Variants in NTRK2 observed in about 807,000 individuals in gnomAD.
NTRK2 encodes the protein neurotrophic receptor tyrosine kinase 2, also known as BDNF/NT-3 growth factors receptor.
A neutral mutation model predicts 94.5 loss-of-function variants in NTRK2; 13 were observed. The ratio of observed to expected loss-of-function variants is 0.14; its 90% CI spans 0.09 to 0.22. NTRK2 has a LOEUF of 0.22. NTRK2 is among the 10% of genes least tolerant of loss of function. The pLI is 1.00. For missense variants in NTRK2, 639 were observed against 1,071.2 expected (o/e 0.60, Z 5.63); for synonymous variants, 372 against 407.4 (o/e 0.91, Z 1.05).
At chr9:84,824,519 A>G (rs573776578) in intron 12 of NTRK2, among the ~76,000 whole-genome samples, 1 of 152,284 alleles carries the variant, frequency 6.6e-6, no homozygotes, top group Admixed American at 6.5e-5. Context: ...TGGCATGGCT[A>G]TTCAGAGGTG....
chr9:84,724,424 G>T, intron 8 of NTRK2, 68 bp downstream of exon 8: 1 of 1,585,230 alleles, frequency 6.3e-7, no homozygotes, highest in Non-Finnish European at 8.7e-7. Flanking sequence ...TTTGTTGCTG[G>T]GGCACTCTGG....
chr9:84,910,257 G>A (rs756695458), intron 14 of NTRK2, among the ~76,000 whole-genome samples: 58 of 152,084 alleles, frequency 3.8e-4, no homozygotes, highest in Non-Finnish European at 7.5e-4. Context: ...CAACAGAAAC[G>A]TATTCTCTCA....
chr9:84,952,556 G>A (rs780933468), intron 16 of NTRK2, among the ~76,000 whole-genome samples: 2 of 152,280 alleles, frequency 1.3e-5, no homozygotes, highest in South Asian at 2.1e-4. Context: ...GGATTGCAGC[G>A]TTAACCGTTA....
chr9:84,811,906 C>A, intron 12 of NTRK2: 1 of 1,050,218 alleles, frequency 9.5e-7, no homozygotes. Context: ...TTTGGCTATC[C>A]CCACCCCACC....
chr9:84,768,344 G>T (rs1449103328), intron 12 of NTRK2, among the ~76,000 whole-genome samples: 1 of 152,116 alleles, frequency 6.6e-6, no homozygotes, highest in African/African-American at 2.4e-5. Context: ...TAGCTATTTT[G>T]TAACTGTAGT....
chr9:84,711,029 GT>G (rs1466515361), intron 6 of NTRK2, among the ~76,000 whole-genome samples: 1 of 152,128 alleles, frequency 6.6e-6, no homozygotes, highest in East Asian at 1.9e-4. Context: ...CTTTTTGTTT[GT>G]TTGTTCATTT....
chr9:84,683,050 T>G (rs559746643), intron 2 of NTRK2, among the ~76,000 whole-genome samples: 109 of 152,300 alleles, frequency 7.2e-4, no homozygotes, highest in Non-Finnish European at 1.4e-3. Context: ...CCTAATGATG[T>G]AATCACCTCC....
chr9:84,696,833 A>G lies in NTRK2; in HGVS notation c.213-5326A>G, dbSNP rs10123847. On this transcript the variant is annotated intron_variant, in intron 2 of 18. Transcript: ENST00000277120. ...TCCTGGGATAGATTTAGATGAGTAC[A>G]TTGATAAGACTCTATCATATAAGAT... 9.6e-3 allele frequency among the ~76,000 whole-genome samples: 1,461 copies of G among 152,266 alleles called. 24 individuals are homozygous for G. The highest frequency in any genetic ancestry group is 0.033 in the African/African-American group (1,371 of 41,536).
At chr9:84,700,309 G>A (rs1041775908) in intron 2 of NTRK2, among the ~76,000 whole-genome samples, 3 of 152,214 alleles carry the variant, frequency 2.0e-5, no homozygotes, top group South Asian at 4.1e-4. Context: ...TTGCAAAAAT[G>A]TATCTAAAGT....
chr9:84,924,293 AAG>A lies in NTRK2; in HGVS notation c.1634-9866_1634-9865del, dbSNP rs538880963. 1.5e-4 allele frequency among the ~76,000 whole-genome samples: 22 copies of A among 146,720 alleles called. No individual in the cohort carries two copies. The South Asian group carries it at 1.6e-3, about 10-fold the overall frequency. On this transcript the variant is annotated intron_variant, in intron 14 of 18. Coordinates refer to ENST00000277120, the MANE Select transcript of NTRK2 (RefSeq NM_006180.6). Reference sequence around the variant, plus strand: ...AAAGAAAGAAAGAAAGAAAGAAAGAAAGAGGAAAAAAAGGAGGTTTATGCACA... The same window carrying A: ...AAAGAAAGAAAGAAAGAAAGAAAGAAAGGAAAAAAAGGAGGTTTATGCACA...
At chr9:84,836,630 T>G (rs1215447586) in intron 12 of NTRK2, among the ~76,000 whole-genome samples, 1 of 145,724 alleles carries the variant, frequency 6.9e-6, no homozygotes, top group Non-Finnish European at 1.5e-5. Context: ...CCACAGTTTC[T>G]TGTCCAAAAC....
At chr9:84,853,701 G>A (rs2074902098) in intron 12 of NTRK2, among the ~76,000 whole-genome samples, 1 of 152,116 alleles carries the variant, frequency 6.6e-6, no homozygotes, top group African/African-American at 2.4e-5. Flanking sequence ...TGCTGTTGGC[G>A]TCACCCCCTG....
chr9:84,748,975 G>A (rs1469733965), intron 11 of NTRK2, among the ~76,000 whole-genome samples: 1 of 152,162 alleles, frequency 6.6e-6, no homozygotes, highest in African/African-American at 2.4e-5. Flanking sequence ...GCTCATGCCT[G>A]TAATCCCAGG....
Position 84,835,622 on chromosome 9 carries a change from C to A in NTRK2, c.1397-25418C>A, listed in dbSNP as rs75304564. ...CAGAAAACCAAAGCTGCCCCTCCCC[C>A]CTTCTTTGTAATGGTCAGGTTGTAA... is the stretch of plus-strand genomic sequence containing the variant. On this transcript the variant is annotated intron_variant, in intron 12 of 18. Coordinates refer to ENST00000277120, the MANE Select transcript of NTRK2 (RefSeq NM_006180.6). Among the ~76,000 whole-genome samples, 734 of 152,276 alleles carry A rather than the reference C, an allele frequency of 4.8e-3. 17 individuals carry two copies. Among genetic ancestry groups the A allele is most frequent in the Admixed American group, 0.038 (579 of 15,288 alleles).
Position 84,862,024 on chromosome 9 carries a change from G to A in NTRK2, c.1444+937G>A, listed in dbSNP as rs76887234. 4.6e-3 allele frequency among the ~76,000 whole-genome samples: 707 copies of A among 152,264 alleles called. 13 individuals carry two copies. Among genetic ancestry groups the A allele is most frequent in the Admixed American group, 0.038 (574 of 15,296 alleles). ...GTCTTGTTGGGCAGTCTCTATCACT[G>A]TCTGTCCAGTGATCCAAAAATGACC... is the stretch of plus-strand genomic sequence containing the variant. On this transcript the variant is annotated intron_variant, in intron 13 of 18. Coordinates refer to ENST00000277120, the MANE Select transcript of NTRK2 (RefSeq NM_006180.6).
chr9:84,889,671 C>T (rs1437920109), intron 14 of NTRK2, among the ~76,000 whole-genome samples: 1 of 152,190 alleles, frequency 6.6e-6, no homozygotes, highest in Non-Finnish European at 1.5e-5. Context: ...ACTTAGCCTC[C>T]CAAAGTGCTA....
At chr9:84,687,726 TTCATTCATTTGGTTACTCAA>T (rs1345679095) in intron 2 of NTRK2, among the ~76,000 whole-genome samples, 1 of 152,196 alleles carries the variant, frequency 6.6e-6, no homozygotes. Context: ...GACTCATGCG[TTCATTCATTTGGTTACTCAA>T]TCAGCAAATC....
chr9:84,894,824 A>G (rs12346884), intron 14 of NTRK2, among the ~76,000 whole-genome samples: 3 of 152,130 alleles, frequency 2.0e-5, no homozygotes, highest in African/African-American at 7.2e-5. Context: ...GACACAATTC[A>G]TAAGCCTTTT....
rs1195780101 is a variant in NTRK2, at chr9:84,894,571, G to A, written c.1633+27140G>A. Among the ~76,000 whole-genome samples the A allele has an allele frequency of 3.9e-5, 6 of 152,246 alleles. No homozygotes were observed. In the South Asian group the frequency reaches 1.0e-3, roughly 26 times the overall value. On this transcript the variant is annotated intron_variant, in intron 14 of 18. Coordinates refer to ENST00000277120, the MANE Select transcript of NTRK2 (RefSeq NM_006180.6). ...CTATCTAAACTTCATGCTGCTCAAGGTTGGCTAAGAGCAAGGGGCTTCTTT... is the reference window on the plus strand; with the variant it reads ...CTATCTAAACTTCATGCTGCTCAAGATTGGCTAAGAGCAAGGGGCTTCTTT...
Sources: gnomAD v4.1 joint callset for allele counts (sites outside exome capture counted in the v4.1 genomes callset) on GRCh38, gnomAD v4.1.1 for gene constraint, MANE v1.5 for transcripts, NCBI Gene and HGNC (gene_info 2026-07-23, HGNC 2026-07-21) for gene names.